SEC23A: variants seen among roughly 807,000 people sequenced by gnomAD.
The protein encoded by SEC23A is protein transport protein Sec23A.
Under a neutral mutation model 103.7 loss-of-function variants are expected in SEC23A, and 56 were observed. The observed-to-expected ratio is 0.54, with a 90% CI of 0.44 to 0.67. The LOEUF is 0.67. SEC23A is among the 30% of genes least tolerant of loss of function. The pLI, the probability that SEC23A is intolerant of heterozygous loss-of-function variation, is 0.00. For missense variants in SEC23A, 784 were observed against 936.4 expected, an observed-to-expected ratio of 0.84 and a Z score of 2.12; for synonymous variants, 281 against 293.0, an observed-to-expected ratio of 0.96 and a Z score of 0.42.
At chr14:39,080,314 AG>A (rs1887180033) in intron 7 of SEC23A, among the ~76,000 whole-genome samples, 1 of 152,252 alleles carries the variant, frequency 6.6e-6, no homozygotes, top group Non-Finnish European at 1.5e-5. Context: ...ACTAAAGAAA[AG>A]AAAAAAACCA....
chr14:39,100,247 T>C (rs1236219434), intron 1 of SEC23A, among the ~76,000 whole-genome samples: 1 of 152,140 alleles, frequency 6.6e-6, no homozygotes, highest in Non-Finnish European at 1.5e-5. Context: ...TGTTTCTCAA[T>C]TGGTCCAATT....
At chr14:39,064,774 C>G (rs1340299639) in intron 11 of SEC23A, 139 bp downstream of exon 11, 2 of 726,384 alleles carry the variant, frequency 2.8e-6, no homozygotes, top group African/African-American at 3.5e-5. Flanking sequence ...GGAACAGGGT[C>G]TCTCTATGTT....
intron 13 of SEC23A, 43 bp downstream of exon 13, chr14:39,061,722 T>TA: frequency 1.5e-6 from 2 of 1,363,422 alleles, no homozygotes; most frequent in Non-Finnish European, 2.1e-6. Context: ...ACAACCCAGA[T>TA]ACCTGTGATA....
At chr14:39,094,042 G>A (rs999432639) in intron 2 of SEC23A, among the ~76,000 whole-genome samples, 2 of 151,140 alleles carry the variant, frequency 1.3e-5, no homozygotes, top group African/African-American at 4.9e-5. Flanking sequence ...TTTTTTTTGA[G>A]ACAGGGTCTC....
intron 14 of SEC23A, among the ~76,000 whole-genome samples, chr14:39,050,200 T>A (rs72671367): frequency 0.082 from 12,503 of 152,192 alleles, 544 homozygotes; most frequent in African/African-American, 0.12. Flanking sequence ...AGAAGGTATA[T>A]CCAAGACCCA....
intron 7 of SEC23A, among the ~76,000 whole-genome samples, chr14:39,077,457 G>A (rs1203340978): frequency 1.3e-5 from 2 of 151,816 alleles, no homozygotes; most frequent in East Asian, 1.9e-4. Flanking sequence ...GCAGAGAATT[G>A]CTTGAACCCG....
chr14:39,098,403 TTG>T (rs1199729721), intron 1 of SEC23A, among the ~76,000 whole-genome samples: 1 of 152,158 alleles, frequency 6.6e-6, no homozygotes, highest in Non-Finnish European at 1.5e-5. Flanking sequence ...GCAAATAAAA[TTG>T]TGTTTACTAC....
intron 7 of SEC23A, 74 bp from the exon 8 acceptor site, chr14:39,076,167 T>G (rs1887010360): frequency 9.4e-7 from 1 of 1,069,266 alleles, no homozygotes; most frequent in Non-Finnish European, 1.4e-6. Context: ...TTTTATATAT[T>G]CCTTCTAAAT....
intron 14 of SEC23A, among the ~76,000 whole-genome samples, chr14:39,050,166 G>A (rs776425664): frequency 6.6e-6 from 1 of 152,032 alleles, no homozygotes; most frequent in African/African-American, 2.4e-5. Flanking sequence ...CACTAATACC[G>A]GTGGAAAACA....
chr14:39,087,769 T>C (rs61999361), intron 5 of SEC23A: 22,240 of 152,242 alleles, frequency 0.15, 1,720 homozygotes, highest in African/African-American at 0.19. Context: ...CCTGCAATAT[T>C]TCCTATACTG....
At chr14:39,063,660 C>A (rs760228568) in intron 11 of SEC23A, among the ~76,000 whole-genome samples, 7 of 152,052 alleles carry the variant, frequency 4.6e-5, no homozygotes, top group Non-Finnish European at 1.0e-4. Flanking sequence ...AAGTAAATTA[C>A]AAAAGTATTA....
At chr14:39,100,494 ACTC>A (rs1374477466) in intron 1 of SEC23A, among the ~76,000 whole-genome samples, 1 of 150,106 alleles carries the variant, frequency 6.7e-6, no homozygotes, top group Non-Finnish European at 1.5e-5. Flanking sequence ...CTCACCGCAA[ACTC>A]CTCCTCCCGG....
At chr14:39,065,120 A>G in intron 10 of SEC23A, 127 bp from the exon 11 acceptor site, 1 of 711,240 alleles carries the variant, frequency 1.4e-6, no homozygotes, top group Non-Finnish European at 2.6e-6. Flanking sequence ...ATATACTAAC[A>G]TGAAAAATAA....
At chr14:39,069,112 C>T (rs1436514941) in intron 9 of SEC23A, among the ~76,000 whole-genome samples, 1 of 152,140 alleles carries the variant, frequency 6.6e-6, no homozygotes, top group South Asian at 2.1e-4. Flanking sequence ...CATTTCTCTG[C>T]TCCCTTTTAC....
In SEC23A at chr14:39,067,175, T is replaced by G. The variant is rs1411215820; in HGVS notation, c.1225A>C (p.Lys409Gln). 3 of 1,613,696 alleles carry G rather than the reference T, an allele frequency of 1.9e-6. No homozygotes were observed. The South Asian group carries it at 3.3e-5, about 18-fold the overall frequency. Residue 409 changes from lysine to glutamine, a missense_variant and splice_region_variant, in exon 10 of 20, where the codon AAG (lysine) becomes CAG (glutamine). By Grantham distance (53) the Lys-to-Gln change is moderately conservative. This residue lies in a region of SEC23A where 683 missense variants were observed against 774.2 expected (regional missense o/e 0.88). Coordinates refer to ENST00000307712, the MANE Select transcript of SEC23A (RefSeq NM_006364.4). Reference sequence around the variant, plus strand: ...ACATGTCAAGTTTTGGTTCTTACCTTTATTTCTAGCGTACCACCAAAGCCC... The same window carrying G: ...ACATGTCAAGTTTTGGTTCTTACCTGTATTTCTAGCGTACCACCAAAGCCC... The part of the protein sequence containing the change: ...KMGFGGTLEI[K>Q]TSREIKISGA...
chr14:39,061,717 C>G, intron 13 of SEC23A, 48 bp downstream of exon 13: 1 of 1,332,124 alleles, frequency 7.5e-7, no homozygotes, highest in Non-Finnish European at 1.1e-6. Context: ...GAAACACAAC[C>G]CAGATACCTG....
chr14:39,070,657 C>G (rs1352946968), intron 9 of SEC23A, among the ~76,000 whole-genome samples: 1 of 152,214 alleles, frequency 6.6e-6, no homozygotes, highest in Non-Finnish European at 1.5e-5. Flanking sequence ...ATCCCAAAAA[C>G]ACATTTTCAT....
At chr14:39,037,152 A>G (rs1485291863) in intron 19 of SEC23A, among the ~76,000 whole-genome samples, 1 of 152,062 alleles carries the variant, frequency 6.6e-6, no homozygotes, top group African/African-American at 2.4e-5. Context: ...TCAGACAAGC[A>G]TTTACTGTGA....
Position 39,045,685 on chromosome 14 carries a change from A to C in SEC23A, c.1738-361T>G, listed in dbSNP as rs1040012229. On this transcript the variant is annotated intron_variant, in intron 15 of 19. Transcript: ENST00000307712. ...ATAACAAGACTTTGTATTTAAAAGGAAAAAAACAAAAAGACAAAAACCCCT... is the reference window on the plus strand; with the variant it reads ...ATAACAAGACTTTGTATTTAAAAGGCAAAAAACAAAAAGACAAAAACCCCT... 4.6e-5 allele frequency among the ~76,000 whole-genome samples: 7 copies of C among 152,280 alleles called. No homozygotes were observed. In the East Asian group the frequency reaches 1.2e-3, roughly 25 times the overall value.
Sources: allele counts gnomAD v4.1 joint callset (sites outside exome capture counted in the v4.1 genomes callset), GRCh38; gene constraint gnomAD v4.1.1; regional missense constraint gnomAD v4.1.1; transcripts MANE v1.5; gene names NCBI Gene and HGNC (gene_info 2026-07-23, HGNC 2026-07-21).